DYNC1H1: variants seen among roughly 807,000 people sequenced by gnomAD.
DYNC1H1 encodes cytoplasmic dynein 1 heavy chain 1.
In DYNC1H1, 51 loss-of-function variants were observed where a neutral mutation model predicts 527.1. The ratio of observed to expected loss-of-function variants is 0.10; its 90% CI spans 0.08 to 0.12. DYNC1H1 has a LOEUF of 0.12. DYNC1H1 is among the 10% of genes least tolerant of loss of function. The probability of loss-of-function intolerance (pLI) is 1.00; values close to 1 mark genes in which losing one functional copy is unlikely to be tolerated. For synonymous variants in DYNC1H1, 2,189 were observed against 2,278.8 expected, an observed-to-expected ratio of 0.96 and a Z score of 1.12; for missense variants, 2,771 against 5,971.8, an observed-to-expected ratio of 0.46 and a Z score of 17.66.
intron 62 of DYNC1H1, 96 bp from the exon 63 acceptor site, chr14:102,040,140 C>T (rs1006521624): frequency 3.7e-5 from 56 of 1,528,672 alleles, no homozygotes; most frequent in Middle Eastern, 4.2e-4. Flanking sequence ...CCACTGTGCC[C>T]GGCCTGTTTT....
intron 69 of DYNC1H1, 101 bp from the exon 70 acceptor site, chr14:102,043,774 T>C (rs1364772274): frequency 3.3e-6 from 5 of 1,536,438 alleles, no homozygotes; most frequent in Non-Finnish European, 4.5e-6. Context: ...CGTCAGGATG[T>C]GGAGAGCTCT....
At chr14:102,040,726 C>G in intron 64 of DYNC1H1, 53 bp downstream of exon 64, 2 of 1,599,118 alleles carry the variant, frequency 1.3e-6, no homozygotes, top group Admixed American at 3.3e-5. Flanking sequence ...TTGGGTTTTG[C>G]TGCTTAAAGG....
chr14:101,974,534 A>C (rs1415903474), intron 1 of DYNC1H1, among the ~76,000 whole-genome samples: 1 of 152,240 alleles, frequency 6.6e-6, no homozygotes, highest in East Asian at 1.9e-4. Flanking sequence ...TTTGACTAGA[A>C]TGTTTAGGCA....
Position 102,004,513 on chromosome 14 carries a change from T to C in DYNC1H1, c.4884-5T>C. 3 of 1,609,764 alleles carry C rather than the reference T, an allele frequency of 1.9e-6. No individual in the cohort carries two copies. The highest frequency in any genetic ancestry group is 2.5e-6 in the Non-Finnish European group (3 of 1,177,322). On this transcript the variant is annotated splice_polypyrimidine_tract_variant and splice_region_variant and intron_variant, in intron 23 of 77. Transcript: ENST00000360184. ...TTTGCAACTTGAGTGTTATTTTAAT[T>C]TTAGGTTCTATTTTGTGGGTGATGA...
rs917238661 is a variant in DYNC1H1 at position 102,046,468 on chromosome 14, T to C, written c.13007-1349T>C. Among the ~76,000 whole-genome samples, 10 of 148,054 alleles carry C rather than the reference T, an allele frequency of 6.8e-5. No homozygotes were observed. In the South Asian group the frequency reaches 2.0e-3, roughly 29 times the overall value. On this transcript the variant is annotated intron_variant, in intron 72 of 77. Coordinates refer to ENST00000360184, the MANE Select transcript of DYNC1H1 (RefSeq NM_001376.5). The stretch of plus-strand genomic sequence containing the variant: ...GAGGGAAAGCCAAAGCCAGGCGAGC[T>C]GGGCGGGTCTGGAGGGAAAGCCAGG...
rs758450089 is a variant in DYNC1H1 at position 102,020,079 on chromosome 14, T to G, written c.8507+23T>G. 1 of 1,613,182 alleles carries G rather than the reference T, an allele frequency of 6.2e-7. No homozygotes were observed. The highest frequency in any genetic ancestry group is 1.3e-5 in the African/African-American group (1 of 74,898). ...TAGGTAAGGGAAGCCGAGGATCCAG[T>G]TGGTCCCATTCTCCCCTGCTCTGAG... On this transcript the variant is annotated intron_variant, in intron 42 of 77. Transcript: ENST00000360184. This position sits in a 1 kb window ranked among gnomAD's most constrained non-coding sequence, Gnocchi z 4.3.
chr14:101,995,107 A>G lies in DYNC1H1; in HGVS notation c.3444+11A>G. 1 of 1,614,208 alleles carries G rather than the reference A, an allele frequency of 6.2e-7. No homozygotes were observed. On this transcript the variant is annotated intron_variant, in intron 14 of 77. Transcript: ENST00000360184. Reference sequence around the variant, plus strand: ...TCCCAGATCTCAAAGGTGAGGACATAGGATTCTGCCTCTGTAACCGGTCTA... The same window carrying G: ...TCCCAGATCTCAAAGGTGAGGACATGGGATTCTGCCTCTGTAACCGGTCTA...
intron 5 of DYNC1H1, among the ~76,000 whole-genome samples, chr14:101,981,959 A>G (rs2047870375): frequency 6.6e-6 from 1 of 152,194 alleles, no homozygotes; most frequent in African/African-American, 2.4e-5. Flanking sequence ...TAAACGTTAA[A>G]ATAATATAGA....
chr14:102,009,668 G>T, intron 29 of DYNC1H1, 175 bp from the exon 30 acceptor site: 1 of 947,698 alleles, frequency 1.1e-6, no homozygotes, highest in Non-Finnish European at 1.6e-6. Flanking sequence ...ACCTGGGCTG[G>T]GAGAATGTGG....
In DYNC1H1 at chr14:102,012,678, G is replaced by A. The variant is rs2152579636; in HGVS notation, c.7014+208G>A. ...GAGAAACATTTTAATAGGTTTTATT[G>A]ATGGCTTTCTATCATTTATTGAGTA... On this transcript the variant is annotated intron_variant, in intron 34 of 77. Transcript: ENST00000360184. This position sits in a 1 kb window ranked among gnomAD's most constrained non-coding sequence, Gnocchi z 4.9. 1.6e-6 allele frequency: 1 copy of A among 642,936 alleles called. No individual in the cohort carries two copies. The highest frequency in any genetic ancestry group is 2.7e-6 in the Non-Finnish European group (1 of 368,902). The allele number at this position is 642,936 out of a possible 1,614,324, so 39.8% of individuals were successfully genotyped here. A position where few individuals can be genotyped will look rare whatever the true frequency, so the allele number is the denominator to read the frequency against.
chr14:102,022,054 T>A (rs1254171121), intron 42 of DYNC1H1, among the ~76,000 whole-genome samples: 1 of 151,802 alleles, frequency 6.6e-6, no homozygotes, highest in African/African-American at 2.4e-5. Flanking sequence ...GAGAATCGCT[T>A]GAACCTGGGA....
chr14:102,009,784 A>G, intron 29 of DYNC1H1, 59 bp from the exon 30 acceptor site: 1 of 1,604,932 alleles, frequency 6.2e-7, no homozygotes, highest in African/African-American at 1.3e-5. Flanking sequence ...ACATTTTAGA[A>G]TGCATTTTGT....
chr14:102,002,739 G>C lies in DYNC1H1; in HGVS notation c.4709+36G>C, dbSNP rs528894484. ...CAGCCAGAGAGCCAAATTTGCCAGC[G>C]GCTAGTGACTACTCTACACAAAGGC... On this transcript the variant is annotated intron_variant, in intron 22 of 77. Transcript: ENST00000360184. This position sits in a 1 kb window ranked among gnomAD's most constrained non-coding sequence, Gnocchi z 4.4. 6.2e-7 allele frequency: 1 copy of C among 1,614,068 alleles called. No homozygotes were observed. Among genetic ancestry groups the C allele is most frequent in the Non-Finnish European group, 8.5e-7 (1 of 1,180,028 alleles).
In DYNC1H1 at chr14:102,042,535, G is replaced by A. The variant is rs1436837877; in HGVS notation, c.12399+28G>A. 3.1e-6 allele frequency: 5 copies of A among 1,614,042 alleles called. No homozygotes were observed. The South Asian group carries it at 5.5e-5, about 18-fold the overall frequency. On this transcript the variant is annotated intron_variant, in intron 68 of 77. Transcript: ENST00000360184. This position sits in a 1 kb window ranked among gnomAD's most constrained non-coding sequence, Gnocchi z 5.7. ...GGGTGGTTGAAGGAGTGGAGACGTTGCAGGCTGGCCTGGCACTGTGCTGTC... is the reference window on the plus strand; with the variant it reads ...GGGTGGTTGAAGGAGTGGAGACGTTACAGGCTGGCCTGGCACTGTGCTGTC...
At chr14:101,974,043 C>T (rs754195431) in intron 1 of DYNC1H1, among the ~76,000 whole-genome samples, 6 of 152,200 alleles carry the variant, frequency 3.9e-5, no homozygotes, top group Non-Finnish European at 8.8e-5. Flanking sequence ...CTCAAGGTCA[C>T]ATATCTTCTA....
At chr14:102,040,718 G>A (rs765604022) in intron 64 of DYNC1H1, 45 bp downstream of exon 64, 5 of 1,609,754 alleles carry the variant, frequency 3.1e-6, no homozygotes, top group Non-Finnish European at 4.3e-6. Flanking sequence ...ATGTAAAGTT[G>A]GGTTTTGCTG....
At position 102,017,708 on chromosome 14, in the gene DYNC1H1, T is replaced by C; in HGVS notation, c.8177+204T>C. On this transcript the variant is annotated intron_variant, in intron 40 of 77. Transcript: ENST00000360184. The surrounding 1 kb of genome is among the most constrained non-coding windows in gnomAD (Gnocchi z 4.6). Reference sequence around the variant, plus strand: ...TTGGCCGGGCGCAGTGGCTTACGCCTATAATCCCAGCACTTTGGGAGGCCG... The same window carrying C: ...TTGGCCGGGCGCAGTGGCTTACGCCCATAATCCCAGCACTTTGGGAGGCCG... 4 of 978,314 alleles carry C rather than the reference T, an allele frequency of 4.1e-6. No homozygotes were observed. The highest frequency in any genetic ancestry group is 6.0e-6 in the Non-Finnish European group (4 of 668,646). 60.6% of individuals were successfully genotyped at this position (978,314 alleles called of 1,614,324 possible). A position where few individuals can be genotyped will look rare whatever the true frequency, so the allele number is the denominator to read the frequency against.
chr14:102,028,084 A>G lies in DYNC1H1; in HGVS notation c.9411A>G (p.Pro3137=), dbSNP rs773989045. The G allele has an allele frequency of 6.2e-7, 1 of 1,614,196 alleles. No homozygotes were observed. Among genetic ancestry groups the G allele is most frequent in the Non-Finnish European group, 8.5e-7 (1 of 1,180,022 alleles). The change falls in exon 48 of 78, where the codon CCA becomes CCG. Residue 3137 remains proline, a synonymous_variant. Coordinates refer to ENST00000360184, the MANE Select transcript of DYNC1H1 (RefSeq NM_001376.5). The stretch of plus-strand genomic sequence containing the variant: ...TGTATGATAAGCTGCCGCAGCCACC[A>G]TCCCATCGGGAAGCCATTGTGAACA... ...PVVYDKLPQP[P]SHREAIVNSC...
At chr14:101,994,953 C>A in intron 13 of DYNC1H1, 33 bp from the exon 14 acceptor site, 1 of 1,613,290 alleles carries the variant, frequency 6.2e-7, no homozygotes, top group Non-Finnish European at 8.5e-7. Flanking sequence ...CAGGAAAGAG[C>A]TGATGATGTG....
Sources: allele counts gnomAD v4.1 joint callset (sites outside exome capture counted in the v4.1 genomes callset), GRCh38; gene constraint gnomAD v4.1.1; non-coding constraint Gnocchi (gnomAD v3.1); transcripts MANE v1.5; gene names NCBI Gene and HGNC (gene_info 2026-07-23, HGNC 2026-07-21).